Variants in RAD9B observed in about 807,000 individuals in gnomAD.
The protein encoded by RAD9B is RAD9 checkpoint clamp component B.
RAD9B carries 41 observed loss-of-function variants against 48.3 expected under a neutral mutation model. That is an observed-to-expected ratio of 0.85 (90% CI 0.66 to 1.10). The LOEUF (loss-of-function observed/expected upper bound fraction) is 1.10, where lower values mean the gene tolerates loss of function less well. Ranked by LOEUF, RAD9B falls within the 50% of genes least tolerant of loss-of-function variation. RAD9B has a pLI of 0.00. For missense variants in RAD9B, 444 were observed against 485.1 expected (o/e 0.92, Z 0.80); for synonymous variants, 160 against 157.9 (o/e 1.01, Z -0.10).
Position 110,512,808 on chromosome 12 carries a change from C to A in RAD9B, c.418C>A (p.Gln140Lys). The change falls in exon 5 of 11, where the codon CAA (glutamine) becomes AAA (lysine). Residue 140 changes from glutamine to lysine, a missense_variant. Transcript: ENST00000409300. ...TAAAAGAACTCATAATATATGTTTT[C>A]AAGAAAGTCAGCCTTTGCAAGTTAT... The part of the protein sequence containing the change: ...GIKRTHNICF[Q>K]ESQPLQVIFD... 6.7e-7 allele frequency: 1 copy of A among 1,484,496 alleles called. No individual in the cohort carries two copies. Among genetic ancestry groups the A allele is most frequent in the Non-Finnish European group, 9.2e-7 (1 of 1,083,164 alleles). 92.0% of individuals were successfully genotyped at this position (1,484,496 alleles called of 1,614,324 possible).
chr12:110,531,557 G>A lies in RAD9B; in HGVS notation c.*904G>A. Reference sequence around the variant, plus strand: ...TCAAATTGTTCTGATTTTCAGATGTGATTTTTTATTTTGCAGTGTGCTGCA... The same window carrying A: ...TCAAATTGTTCTGATTTTCAGATGTAATTTTTTATTTTGCAGTGTGCTGCA... On this transcript the variant is annotated 3_prime_UTR_variant, in exon 11 of 11. Coordinates refer to ENST00000409300, the MANE Select transcript of RAD9B (RefSeq NM_001286535.2). 1 of 1,516,288 alleles carries A rather than the reference G, an allele frequency of 6.6e-7. No individual in the cohort carries two copies. The highest frequency in any genetic ancestry group is 1.1e-5 in the South Asian group (1 of 87,186). The allele number at this position is 1,516,288 out of a possible 1,614,324, so 93.9% of individuals were successfully genotyped here.
intron 3 of RAD9B, 109 bp downstream of exon 3, chr12:110,505,881 G>A (rs1490941276): frequency 1.2e-6 from 1 of 819,692 alleles, no homozygotes; most frequent in East Asian, 3.0e-5. Context: ...GGACAAATCT[G>A]TTCATTATTA....
chr12:110,508,105 G>A (rs2063349614), intron 4 of RAD9B: 1 of 168,984 alleles, frequency 5.9e-6, no homozygotes, highest in South Asian at 2.0e-4. Context: ...GATTCAAAGA[G>A]CATGATTAAA....
intron 4 of RAD9B, among the ~76,000 whole-genome samples, chr12:110,507,586 T>C (rs1282282596): frequency 6.9e-6 from 1 of 144,978 alleles, no homozygotes; most frequent in Non-Finnish European, 1.5e-5. Flanking sequence ...GTATAATATA[T>C]ACATAATACA....
intron 1 of RAD9B, 51 bp downstream of exon 1, chr12:110,502,434 TA>T: frequency 6.3e-7 from 1 of 1,594,354 alleles, no homozygotes. Flanking sequence ...AAGCAGACGT[TA>T]ATAGGTCGTC....
intron 10 of RAD9B, among the ~76,000 whole-genome samples, chr12:110,524,431 G>A (rs771527633): frequency 2.0e-5 from 3 of 151,854 alleles, no homozygotes; most frequent in Admixed American, 6.6e-5. Context: ...GCATGGTGGC[G>A]GGCGCCTGTA....
chr12:110,520,914 G>A (rs1439345772), intron 9 of RAD9B, among the ~76,000 whole-genome samples: 3 of 151,882 alleles, frequency 2.0e-5, no homozygotes, highest in South Asian at 2.1e-4. Flanking sequence ...CTCCCAAAGC[G>A]CTGGGATTAC....
At chr12:110,523,414 G>A (rs2063843481) in intron 10 of RAD9B, among the ~76,000 whole-genome samples, 1 of 152,148 alleles carries the variant, frequency 6.6e-6, no homozygotes, top group African/African-American at 2.4e-5. Flanking sequence ...GCAACAGAGT[G>A]AGACACTGTT....
chr12:110,518,545 A>G, intron 6 of RAD9B, 131 bp from the exon 7 acceptor site: 2 of 549,504 alleles, frequency 3.6e-6, no homozygotes. Context: ...TGCAGATATC[A>G]GGTGGGGAAG....
intron 9 of RAD9B, among the ~76,000 whole-genome samples, chr12:110,520,727 TA>T (rs2063761175): frequency 7.0e-6 from 1 of 143,252 alleles, no homozygotes; most frequent in South Asian, 2.4e-4. Context: ...CTCAGCTCAC[TA>T]AAACCTCCAC....
At chr12:110,525,104 G>C (rs1195416777) in intron 10 of RAD9B, among the ~76,000 whole-genome samples, 5 of 152,032 alleles carry the variant, frequency 3.3e-5, no homozygotes, top group Admixed American at 6.5e-5. Context: ...TCCTGCCTCA[G>C]CCTCCTGAGT....
chr12:110,505,563 A>T, intron 2 of RAD9B, 54 bp from the exon 3 acceptor site: 1 of 1,450,480 alleles, frequency 6.9e-7, no homozygotes, highest in East Asian at 2.7e-5. Context: ...TTACAGGTTC[A>T]TGGGAGCCAC....
chr12:110,519,173 G>A (rs1437264663), intron 8 of RAD9B, among the ~76,000 whole-genome samples: 3 of 151,204 alleles, frequency 2.0e-5, no homozygotes, highest in South Asian at 4.2e-4. Flanking sequence ...GCATGATCTC[G>A]GCTTACTGCA....
chr12:110,521,467 T>C (rs1473363914), intron 9 of RAD9B, among the ~76,000 whole-genome samples: 1 of 152,130 alleles, frequency 6.6e-6, no homozygotes, highest in African/African-American at 2.4e-5. Flanking sequence ...CCTTGTATTT[T>C]AAAACAAGAT....
chr12:110,503,844 G>C lies in RAD9B; in HGVS notation c.85G>C (p.Asp29His). The change falls in exon 2 of 11, where the codon GAC (aspartate) becomes CAC (histidine). Residue 29 changes from aspartate to histidine, a missense_variant. Coordinates refer to ENST00000409300, the MANE Select transcript of RAD9B (RefSeq NM_001286535.2). ...AGTTCAAGCTCTATCACGAATTAGT[G>C]ACGAGTTCTGGCTAGACCCATCTAA... Reference protein sequence around the residue: ...KAVQALSRISDEFWLDPSKKG... With the variant: ...KAVQALSRISHEFWLDPSKKG... The C allele has an allele frequency of 6.2e-7, 1 of 1,604,696 alleles. No individual in the cohort carries two copies. Among genetic ancestry groups the C allele is most frequent in the Non-Finnish European group, 8.5e-7 (1 of 1,176,028 alleles).
Position 110,531,392 on chromosome 12 carries a change from A to G in RAD9B, c.*739A>G. On this transcript the variant is annotated 3_prime_UTR_variant, in exon 11 of 11. Coordinates refer to ENST00000409300, the MANE Select transcript of RAD9B (RefSeq NM_001286535.2). ...TATTTTGTAGAGACAGGGTTTCGCCATGTTGGCCAGGGTGGTCTTGAACTC... is the reference window on the plus strand; with the variant it reads ...TATTTTGTAGAGACAGGGTTTCGCCGTGTTGGCCAGGGTGGTCTTGAACTC... 4.0e-6 allele frequency: 2 copies of G among 496,568 alleles called. No individual in the cohort carries two copies. Among genetic ancestry groups the G allele is most frequent in the Non-Finnish European group, 6.9e-6 (2 of 288,264 alleles). 30.8% of individuals were successfully genotyped at this position (496,568 alleles called of 1,614,324 possible).
chr12:110,511,607 AG>A (rs1289073578), intron 4 of RAD9B: 1 of 313,442 alleles, frequency 3.2e-6, no homozygotes, highest in Non-Finnish European at 6.8e-6. Flanking sequence ...GAGGTTGGTC[AG>A]TAGGTACAAA....
intron 10 of RAD9B, among the ~76,000 whole-genome samples, chr12:110,526,266 G>C (rs1031161367): frequency 6.6e-5 from 10 of 151,934 alleles, no homozygotes; most frequent in Admixed American, 3.3e-4. Flanking sequence ...ACTCATATTA[G>C]ACTTGAAGTT....
chr12:110,520,381 G>A (rs913749662), intron 9 of RAD9B, among the ~76,000 whole-genome samples: 1 of 151,524 alleles, frequency 6.6e-6, no homozygotes, highest in Non-Finnish European at 1.5e-5. Flanking sequence ...CTAATTTTTT[G>A]TATTTTTTTT....
Sources: gnomAD v4.1 joint callset for allele counts (sites outside exome capture counted in the v4.1 genomes callset) on GRCh38, gnomAD v4.1.1 for gene constraint, MANE v1.5 for transcripts, NCBI Gene and HGNC (gene_info 2026-07-23, HGNC 2026-07-21) for gene names.